The following NDUFAF6 variants were observed in gnomAD, a reference collection of about 807,000 sequenced individuals.
NDUFAF6 encodes NADH:ubiquinone oxidoreductase complex assembly factor 6, also known as NADH dehydrogenase (ubiquinone) complex I, assembly factor 6.
A neutral mutation model predicts 40.8 loss-of-function variants in NDUFAF6; 45 were observed. The ratio of observed to expected loss-of-function variants is 1.10; its 90% CI spans 0.87 to 1.42. The LOEUF (loss-of-function observed/expected upper bound fraction) is 1.42, where lower values mean the gene tolerates loss of function less well. NDUFAF6 is among the 40% of genes most tolerant of loss of function. The pLI is 0.00. For synonymous variants in NDUFAF6, 185 were observed against 155.9 expected (o/e 1.19, Z -1.39); for missense variants, 435 against 418.5 (o/e 1.04, Z -0.34).
chr8:94,976,501 CAAA>C (rs35323204), intron 1 of NDUFAF6, among the ~76,000 whole-genome samples: 2,742 of 91,848 alleles, frequency 0.03, 52 homozygotes, highest in African/African-American at 0.069. Context: ...CACTCCATCT[CAAA>C]AAAAAAAAAA....
upstream of NDUFAF6, among the ~76,000 whole-genome samples, chr8:94,956,888 G>T (rs941448994): frequency 6.6e-6 from 1 of 152,108 alleles, no homozygotes; most frequent in South Asian, 2.1e-4. Flanking sequence ...AAGGGAATGG[G>T]GGCCAGGCGC....
chr8:94,991,877 C>T (rs913796470), intron 2 of NDUFAF6, among the ~76,000 whole-genome samples: 4 of 140,288 alleles, frequency 2.9e-5, no homozygotes, highest in Non-Finnish European at 3.1e-5. Flanking sequence ...CATTCTTTAT[C>T]GGAAGACATT....
At chr8:95,041,071 T>C (rs1830092487) in intron 3 of NDUFAF6, 1 of 152,378 alleles carries the variant, frequency 6.6e-6, no homozygotes, top group South Asian at 2.1e-4. Flanking sequence ...GGAAAACAAT[T>C]TGCGTATAAT....
rs540980298 is a variant in NDUFAF6 at position 94,909,790 on chromosome 8, A to G, written c.-936+13863A>G. On this transcript the variant is annotated intron_variant, in intron 1 of 14. Coordinates refer to the NDUFAF6 transcript ENST00000396113. ...AAATAAATAAAAATTATATATGTGTATATATATACACATATATATATATAC... is the reference window on the plus strand; with the variant it reads ...AAATAAATAAAAATTATATATGTGTGTATATATACACATATATATATATAC... Among the ~76,000 whole-genome samples, 3 of 146,254 alleles carry G rather than the reference A, an allele frequency of 2.1e-5. No individual in the cohort carries two copies. The South Asian group carries it at 6.4e-4, about 31-fold the overall frequency.
chr8:95,108,885 G>C (rs562001096), intron 4 of NDUFAF6, among the ~76,000 whole-genome samples: 3 of 152,180 alleles, frequency 2.0e-5, no homozygotes, highest in Non-Finnish European at 4.4e-5. Context: ...ATATTGATTA[G>C]TTAAATGGTT....
downstream of NDUFAF6, among the ~76,000 whole-genome samples, chr8:95,060,673 TAGTACTAGAGCTGGATGCCAG>T (rs1289468043): frequency 2.6e-5 from 4 of 152,182 alleles, no homozygotes; most frequent in African/African-American, 9.7e-5. Context: ...ATGGAGGCAT[TAGTACTAGAGCTGGATGCCAG>T]ATCCACATTA....
chr8:94,927,723 G>T (rs1397724357), intron 1 of NDUFAF6: 1 of 152,244 alleles, frequency 6.6e-6, no homozygotes, highest in African/African-American at 2.4e-5. Context: ...GAAACATGGC[G>T]CACTATAAAA....
intron 2 of NDUFAF6, among the ~76,000 whole-genome samples, chr8:95,032,758 A>C (rs567163588): frequency 1.3e-5 from 2 of 152,276 alleles, no homozygotes; most frequent in African/African-American, 4.8e-5. Context: ...GAGAGTAGCA[A>C]ATTTTGACAC....
At chr8:95,057,144 A>G (rs1041461484) in intron 8 of NDUFAF6, among the ~76,000 whole-genome samples, 18 of 152,212 alleles carry the variant, frequency 1.2e-4, no homozygotes, top group African/African-American at 4.1e-4. Context: ...GGAGCACAAA[A>G]CTAAGTGACC....
At chr8:95,043,098 T>C (rs956763196) in intron 4 of NDUFAF6, among the ~76,000 whole-genome samples, 15 of 151,146 alleles carry the variant, frequency 9.9e-5, no homozygotes, top group Non-Finnish European at 2.1e-4. Context: ...TTTTTTTTTT[T>C]TTTTTGAGAT....
At chr8:94,927,023 T>C (rs1371283519) in intron 1 of NDUFAF6, 1 of 152,270 alleles carries the variant, frequency 6.6e-6, no homozygotes, top group Non-Finnish European at 1.5e-5. Context: ...AATAAAAAGA[T>C]AATTTTAAAG....
At chr8:95,032,512 G>A (rs1462174858) in intron 2 of NDUFAF6, among the ~76,000 whole-genome samples, 2 of 152,316 alleles carry the variant, frequency 1.3e-5, no homozygotes, top group Non-Finnish European at 2.9e-5. Context: ...GAAAGCAATT[G>A]TAGCAAACCA....
At chr8:95,090,615 T>C (rs922571938) in intron 2 of NDUFAF6, among the ~76,000 whole-genome samples, 17 of 152,204 alleles carry the variant, frequency 1.1e-4, no homozygotes, top group African/African-American at 1.2e-4. Flanking sequence ...ATCTTGTTGA[T>C]TGTTTAATAC....
chr8:94,928,061 C>T (rs1389868753), intron 1 of NDUFAF6: 1 of 152,098 alleles, frequency 6.6e-6, no homozygotes, highest in Non-Finnish European at 1.5e-5. Context: ...AATTATATAA[C>T]CATTTTCTTC....
intron 2 of NDUFAF6, among the ~76,000 whole-genome samples, chr8:95,034,294 A>G (rs1287747087): frequency 6.6e-6 from 1 of 152,240 alleles, no homozygotes; most frequent in Non-Finnish European, 1.5e-5. Flanking sequence ...GTCTCATAAG[A>G]ATAAGGATAA....
At chr8:94,978,286 T>C (rs1255216776) in intron 1 of NDUFAF6, among the ~76,000 whole-genome samples, 1 of 152,150 alleles carries the variant, frequency 6.6e-6, no homozygotes, top group Non-Finnish European at 1.5e-5. Flanking sequence ...TCATAGAGCT[T>C]CTAGGTTGGT....
rs192294700 is a variant in NDUFAF6 at position 94,912,578 on chromosome 8, C to T, written c.-936+16651C>T. 1.4e-4 allele frequency among the ~76,000 whole-genome samples: 22 copies of T among 151,810 alleles called. No individual in the cohort carries two copies. The East Asian group carries it at 2.1e-3, about 15-fold the overall frequency. On this transcript the variant is annotated intron_variant, in intron 1 of 14. Coordinates refer to the NDUFAF6 transcript ENST00000396113. ...TTGGGAGGCCAAGGTTGGCAGATCA[C>T]GAGGTCAAGTGATTGAGACCATTTT... is the stretch of plus-strand genomic sequence containing the variant.
At chr8:95,042,334 G>C (rs1011058036) in intron 4 of NDUFAF6, among the ~76,000 whole-genome samples, 1 of 152,206 alleles carries the variant, frequency 6.6e-6, no homozygotes, top group Non-Finnish European at 1.5e-5. Flanking sequence ...ATGGAAATAT[G>C]TAAGTTTACT....
At chr8:94,962,936 AC>A (rs1823716209) in intron 1 of NDUFAF6, among the ~76,000 whole-genome samples, 1 of 151,594 alleles carries the variant, frequency 6.6e-6, no homozygotes, top group South Asian at 2.1e-4. Flanking sequence ...GATTATAGGC[AC>A]CCACCATCAC....
Sources: gnomAD v4.1 joint callset for allele counts (sites outside exome capture counted in the v4.1 genomes callset) on GRCh38, gnomAD v4.1.1 for gene constraint, MANE v1.5 for transcripts, NCBI Gene and HGNC (gene_info 2026-07-23, HGNC 2026-07-21) for gene names.